Variants in DCC observed in about 807,000 individuals in gnomAD.
DCC encodes DCC netrin 1 receptor.
Under a neutral mutation model 172.5 loss-of-function variants are expected in DCC, and 58 were observed. That is an observed-to-expected ratio of 0.34 (90% CI 0.27 to 0.42). The LOEUF is 0.42. DCC is among the 10% of genes least tolerant of loss of function. The pLI, the probability that DCC is intolerant of heterozygous loss-of-function variation, is 1.00. For missense variants in DCC, 1,740 were observed against 1,791.0 expected (o/e 0.97, Z 0.51); for synonymous variants, 709 against 644.5 (o/e 1.10, Z -1.52).
At chr18:53,337,493 A>C (rs1361362646) in intron 14 of DCC, among the ~76,000 whole-genome samples, 1 of 152,184 alleles carries the variant, frequency 6.6e-6, no homozygotes, top group Non-Finnish European at 1.5e-5. Context: ...TTATATTAGG[A>C]AATATTTCAC....
chr18:52,895,645 A>G (rs960079843), intron 2 of DCC, among the ~76,000 whole-genome samples: 3 of 152,162 alleles, frequency 2.0e-5, no homozygotes, highest in Admixed American at 6.5e-5. Context: ...ATATACTATA[A>G]TTTGCTTAAC....
chr18:52,747,377 C>G (rs1241746530), intron 1 of DCC, among the ~76,000 whole-genome samples: 1 of 152,122 alleles, frequency 6.6e-6, no homozygotes, highest in Non-Finnish European at 1.5e-5. Context: ...TAAAACCAAA[C>G]AAAATAAACT....
chr18:52,454,467 C>T (rs1988398906), intron 1 of DCC, among the ~76,000 whole-genome samples: 1 of 151,244 alleles, frequency 6.6e-6, no homozygotes, highest in Non-Finnish European at 1.5e-5. Flanking sequence ...ACAACTTTTT[C>T]TCCCCAATTC....
intron 8 of DCC, among the ~76,000 whole-genome samples, chr18:53,167,703 C>A (rs1460134955): frequency 6.6e-6 from 1 of 152,154 alleles, no homozygotes; most frequent in East Asian, 1.9e-4. Flanking sequence ...AATATGGCTT[C>A]TCTTTTTAAA....
intron 2 of DCC, among the ~76,000 whole-genome samples, chr18:52,772,864 CT>C (rs2037366525): frequency 6.6e-6 from 1 of 152,132 alleles, no homozygotes; most frequent in African/African-American, 2.4e-5. Flanking sequence ...CATGTTTCTC[CT>C]TCTTGCTTAT....
intron 13 of DCC, among the ~76,000 whole-genome samples, chr18:53,320,687 T>A (rs1186914852): frequency 6.6e-6 from 1 of 152,228 alleles, no homozygotes; most frequent in Non-Finnish European, 1.5e-5. Context: ...ATGCTGTATA[T>A]TAACCTAATG....
At chr18:52,837,710 G>C (rs1170230738) in intron 2 of DCC, among the ~76,000 whole-genome samples, 1 of 152,116 alleles carries the variant, frequency 6.6e-6, no homozygotes, top group African/African-American at 2.4e-5. Flanking sequence ...CTCTTACCCA[G>C]TTCTAACGTT....
At chr18:52,793,706 C>A (rs998378729) in intron 2 of DCC, among the ~76,000 whole-genome samples, 10 of 152,148 alleles carry the variant, frequency 6.6e-5, no homozygotes, top group African/African-American at 2.4e-4. Flanking sequence ...GCCATAAAAT[C>A]TTTGCCTAGA....
At chr18:53,314,993 T>C (rs2057326545) in intron 13 of DCC, among the ~76,000 whole-genome samples, 1 of 152,198 alleles carries the variant, frequency 6.6e-6, no homozygotes, top group East Asian at 1.9e-4. Context: ...ACTTAAGTTC[T>C]GGAATACATG....
chr18:53,142,397 C>T (rs1472249375), intron 7 of DCC, among the ~76,000 whole-genome samples: 1 of 152,258 alleles, frequency 6.6e-6, no homozygotes, highest in South Asian at 2.1e-4. Flanking sequence ...CAGTAAGAAT[C>T]CTAAAACTTA....
At chr18:52,736,938 C>T (rs1398936102) in intron 1 of DCC, among the ~76,000 whole-genome samples, 1 of 152,126 alleles carries the variant, frequency 6.6e-6, no homozygotes, top group Admixed American at 6.6e-5. Flanking sequence ...ACTCAATAAA[C>T]TCAGCACACT....
chr18:53,220,378 C>T (rs4632195), intron 12 of DCC, among the ~76,000 whole-genome samples: 73,729 of 151,814 alleles, frequency 0.49, 19,043 homozygotes, highest in African/African-American at 0.56. Flanking sequence ...GTTCATTTCT[C>T]TCCTGTATGT....
chr18:53,292,749 T>C (rs1415015951), intron 12 of DCC, among the ~76,000 whole-genome samples: 1 of 152,164 alleles, frequency 6.6e-6, no homozygotes, highest in African/African-American at 2.4e-5. Context: ...TGCTGAATTG[T>C]CTTTGAGAAG....
intron 1 of DCC, among the ~76,000 whole-genome samples, chr18:52,453,477 A>G (rs1044656199): frequency 5.9e-5 from 9 of 152,190 alleles, no homozygotes; most frequent in Non-Finnish European, 1.2e-4. Flanking sequence ...TCTGATCTTC[A>G]TTAGTGGCTA....
chr18:52,694,786 G>A (rs2035986228), intron 1 of DCC, among the ~76,000 whole-genome samples: 1 of 152,124 alleles, frequency 6.6e-6, no homozygotes, highest in South Asian at 2.1e-4. Context: ...CCTTGGGCAA[G>A]TCACATTTCT....
chr18:52,855,212 AT>A (rs558965247), intron 2 of DCC, among the ~76,000 whole-genome samples: 463 of 152,122 alleles, frequency 3.0e-3, no homozygotes, highest in African/African-American at 0.011. Flanking sequence ...TCCAGTTTCT[AT>A]TTACTTTTTC....
At chr18:52,941,069 A>G (rs1386000233) in intron 5 of DCC, 1 of 152,108 alleles carries the variant, frequency 6.6e-6, no homozygotes. Context: ...AAAGGGACAC[A>G]ATCAAATTCC....
chr18:53,217,988 G>A (rs965822589), intron 12 of DCC, among the ~76,000 whole-genome samples: 5 of 151,894 alleles, frequency 3.3e-5, no homozygotes, highest in African/African-American at 1.2e-4. Flanking sequence ...GGTACTACAG[G>A]CATGCAACCA....
At chr18:52,657,113 C>T (rs1040226658) in intron 1 of DCC, among the ~76,000 whole-genome samples, 4 of 152,306 alleles carry the variant, frequency 2.6e-5, no homozygotes, top group East Asian at 3.9e-4. Context: ...CAGTATTGTG[C>T]GGCAAGATTG....
Sources: gnomAD v4.1 joint callset for allele counts (sites outside exome capture counted in the v4.1 genomes callset) on GRCh38, gnomAD v4.1.1 for gene constraint, MANE v1.5 for transcripts, NCBI Gene and HGNC (gene_info 2026-07-23, HGNC 2026-07-21) for gene names.